Variants in UCK1 observed in about 807,000 individuals in gnomAD.
UCK1 encodes cytidine monophosphokinase 1.
In UCK1, 20 loss-of-function variants were observed where a neutral mutation model predicts 34.0. The observed-to-expected ratio is 0.59, with a 90% CI of 0.41 to 0.86. The LOEUF (loss-of-function observed/expected upper bound fraction) is 0.86, where lower values mean the gene tolerates loss of function less well. UCK1 is among the 40% of genes least tolerant of loss of function. The pLI, the probability that UCK1 is intolerant of heterozygous loss-of-function variation, is 0.00. For missense variants in UCK1, 343 were observed against 383.6 expected, an observed-to-expected ratio of 0.89 and a Z score of 0.88; for synonymous variants, 168 against 155.9, an observed-to-expected ratio of 1.08 and a Z score of -0.58.
chr9:131,529,331 C>G (rs1429849633), intron 3 of UCK1, 61 bp from the exon 4 acceptor site: 2 of 1,608,994 alleles, frequency 1.2e-6, no homozygotes, highest in African/African-American at 1.3e-5. Context: ...GCCACACACA[C>G]AGTCAGCTTC....
rs575275748 is a variant in UCK1 at position 131,525,030 on chromosome 9, C to T, written c.*10G>A. On this transcript the variant is annotated 3_prime_UTR_variant, in exon 7 of 7. Coordinates refer to ENST00000372215, the MANE Select transcript of UCK1 (RefSeq NM_031432.5). ...CGGGCGGGAGACCTGCCCTGAGGCT[C>T]GGCAGCCCCTCAGTGGGGTCTGCTG... The T allele has an allele frequency of 1.1e-5, 17 of 1,603,956 alleles. No individual in the cohort carries two copies. The highest frequency in any genetic ancestry group is 7.7e-5 in the South Asian group (7 of 90,748).
At chr9:131,530,998 C>T (rs1388340760) in intron 1 of UCK1, 69 bp downstream of exon 1, 1 of 1,280,542 alleles carries the variant, frequency 7.8e-7, no homozygotes, top group Non-Finnish European at 1.0e-6. Flanking sequence ...GGGCTGGGGT[C>T]TCCTCTCTGG....
At chr9:131,529,608 A>T (rs765316825) in intron 2 of UCK1, 24 bp from the exon 3 acceptor site, 3 of 1,611,048 alleles carry the variant, frequency 1.9e-6, no homozygotes, top group Non-Finnish European at 2.5e-6. Context: ...GACAAAGGCA[A>T]GACAGGCAGA....
intron 2 of UCK1, among the ~76,000 whole-genome samples, chr9:131,530,246 A>G (rs1201617852): frequency 6.6e-6 from 1 of 152,200 alleles, no homozygotes; most frequent in Non-Finnish European, 1.5e-5. Flanking sequence ...GGCTCCCCAC[A>G]GTGCAACAGG....
intron 1 of UCK1, 99 bp downstream of exon 1, chr9:131,530,968 G>A: frequency 2.6e-6 from 3 of 1,146,682 alleles, no homozygotes; most frequent in Non-Finnish European, 3.4e-6. Context: ...GCCCCTGCCT[G>A]GCAGGGGGCC....
intron 5 of UCK1, chr9:131,526,283 G>A (rs1364341953): frequency 1.1e-5 from 8 of 736,570 alleles, no homozygotes; most frequent in East Asian, 3.5e-5. Context: ...AGCTGGCTAC[G>A]CTAACGACTC....
chr9:131,525,218 G>A lies in UCK1; in HGVS notation c.656C>T (p.Ala219Val). 6.2e-7 allele frequency: 1 copy of A among 1,613,704 alleles called. No homozygotes were observed. The highest frequency in any genetic ancestry group is 8.5e-7 in the Non-Finnish European group (1 of 1,180,026). The stretch of plus-strand genomic sequence containing the variant: ...GATGTGCTGCACGATCAGGTTGATG[G>A]CAACTGCGCCAAGAGACAGACAAGC... ...IIPRGVDNMV[A>V]INLIVQHIQD... The change falls in exon 7 of 7, where the codon GCC becomes GTC. Residue 219 changes from alanine to valine, a missense_variant. Transcript: ENST00000372215.
In UCK1 at chr9:131,530,526, C is replaced by T. The variant is rs1950792849; in HGVS notation, c.228G>A (p.Lys76=). The T allele has an allele frequency of 1.9e-6, 3 of 1,614,270 alleles. No homozygotes were observed. The highest frequency in any genetic ancestry group is 3.3e-5 in the Admixed American group (2 of 60,036). Residue 76 remains lysine (K), a synonymous_variant, in exon 2 of 7, where the codon AAG becomes AAA. Transcript: ENST00000372215. ...TGTACTGTCCTTTCAAGGCCTTGGC[C>T]TTCTGCTCTGCCGTCAGGACCTTGT... is the stretch of plus-strand genomic sequence containing the variant. The part of the protein sequence containing the change: ...RFYKVLTAEQ[K]AKALKGQYNF...
In UCK1 at chr9:131,528,899, C is replaced by T. The variant is rs776135752; in HGVS notation, c.603+45G>A. ...CTCACAGTACTGGGTCCCATGTGTCCTTGTGAAAGGGGAAAATGGGCTCTG... is the reference window on the plus strand; with the variant it reads ...CTCACAGTACTGGGTCCCATGTGTCTTTGTGAAAGGGGAAAATGGGCTCTG... On this transcript the variant is annotated intron_variant, in intron 5 of 6. Coordinates refer to ENST00000372215, the MANE Select transcript of UCK1 (RefSeq NM_031432.5). The T allele has an allele frequency of 1.7e-5, 28 of 1,606,494 alleles. No homozygotes were observed. The South Asian group carries it at 2.0e-4, about 11-fold the overall frequency.
intron 5 of UCK1, chr9:131,526,184 G>A (rs1950597975): frequency 1.5e-6 from 1 of 686,172 alleles, no homozygotes; most frequent in East Asian, 2.7e-5. Flanking sequence ...GTGCAGCTGA[G>A]GCAGCCAAAA....
At chr9:131,525,830 G>T in intron 6 of UCK1, 99 bp downstream of exon 6, 1 of 1,282,936 alleles carries the variant, frequency 7.8e-7, no homozygotes, top group Non-Finnish European at 1.1e-6. Flanking sequence ...GGCAGGCCGC[G>T]TGCGCAGGGG....
Position 131,531,084 on chromosome 9 carries a change from CG to C in UCK1, c.90del (p.Gly31AlafsTer32). ...CCCCTTACCTTCCCGCTGGCAGTGCCGCCGCTCACCCCTATCAGGAAGGGCC... is the reference window on the plus strand; with the variant it reads ...CCCCTTACCTTCCCGCTGGCAGTGCCCCGCTCACCCCTATCAGGAAGGGCC... ...HQRPFLIGVS[G>X]GTASGKSTVC... On this transcript the variant is annotated frameshift_variant, in exon 1 of 7. Transcript: ENST00000372215. LOFTEE classifies it high-confidence loss of function. The C allele has an allele frequency of 7.0e-7, 1 of 1,421,706 alleles. No individual in the cohort carries two copies. The allele number at this position is 1,421,706 out of a possible 1,614,324, so 88.1% of individuals were successfully genotyped here.
rs4292738 is a variant in UCK1 at position 131,528,066 on chromosome 9, C to T, written c.603+878G>A. 3.8e-3 allele frequency among the ~76,000 whole-genome samples: 573 copies of T among 151,904 alleles called. 7 individuals are homozygous for T. Among genetic ancestry groups the T allele is most frequent in the African/African-American group, 0.013 (527 of 41,420 alleles). On this transcript the variant is annotated intron_variant, in intron 5 of 6. Coordinates refer to ENST00000372215, the MANE Select transcript of UCK1 (RefSeq NM_031432.5). ...GCGTACGCCTGTAATCCCAGCTACT[C>T]GGAAGGGTGAGACAGGAGAATTGCT...
At chr9:131,530,345 A>C in intron 2 of UCK1, 141 bp downstream of exon 2, 1 of 985,420 alleles carries the variant, frequency 1.0e-6, no homozygotes, top group Non-Finnish European at 1.5e-6. Context: ...TGTGCAGCCA[A>C]CTCCACTGCA....
rs1293379740 is a variant in UCK1, at chr9:131,523,936, G to A, written c.*1104C>T. The A allele has an allele frequency of 6.6e-6, 1 of 152,466 alleles. No individual in the cohort carries two copies. The highest frequency in any genetic ancestry group is 1.5e-5 in the Non-Finnish European group (1 of 68,250). 9.4% of individuals were successfully genotyped at this position (152,466 alleles called of 1,614,324 possible). On this transcript the variant is annotated 3_prime_UTR_variant, in exon 7 of 7. Coordinates refer to ENST00000372215, the MANE Select transcript of UCK1 (RefSeq NM_031432.5). Reference sequence around the variant, plus strand: ...CGTCACGTCTGCATCACTACTGTGGGTGAGCCTGGACGGACGGGGGCTGGG... The same window carrying A: ...CGTCACGTCTGCATCACTACTGTGGATGAGCCTGGACGGACGGGGGCTGGG...
intron 2 of UCK1, 49 bp from the exon 3 acceptor site, chr9:131,529,633 G>T: frequency 6.4e-7 from 1 of 1,566,242 alleles, no homozygotes. Context: ...CTCGTGCAGC[G>T]GACAGCAGGG....
At chr9:131,528,805 T>C (rs1950709996) in intron 5 of UCK1, 139 bp downstream of exon 5, 3 of 988,560 alleles carry the variant, frequency 3.0e-6, no homozygotes, top group Admixed American at 2.4e-5. Context: ...TCCCAGGGTA[T>C]GTGGCCATAA....
intron 5 of UCK1, among the ~76,000 whole-genome samples, chr9:131,526,837 A>AG (rs1260967389): frequency 6.6e-6 from 1 of 152,180 alleles, no homozygotes; most frequent in East Asian, 1.9e-4. Flanking sequence ...CGCAAGGGCG[A>AG]GGGCTGCTTT....
intron 6 of UCK1, among the ~76,000 whole-genome samples, chr9:131,525,702 G>A (rs1950575791): frequency 6.6e-6 from 1 of 152,096 alleles, no homozygotes; most frequent in Admixed American, 6.5e-5. Context: ...TGAACTCCTG[G>A]GCTCCAGTGA....
Sources: gnomAD v4.1 joint callset for allele counts (sites outside exome capture counted in the v4.1 genomes callset) on GRCh38, gnomAD v4.1.1 for gene constraint, MANE v1.5 for transcripts, NCBI Gene and HGNC (gene_info 2026-07-23, HGNC 2026-07-21) for gene names.